Variants in SLC52A2 observed in about 807,000 individuals in gnomAD.
SLC52A2 encodes solute carrier family 52, riboflavin transporter, member 2.
SLC52A2 carries 16 observed loss-of-function variants against 24.8 expected under a neutral mutation model. That is an observed-to-expected ratio of 0.64 (90% CI 0.44 to 0.98). The LOEUF is 0.98. Among genes scored for constraint, SLC52A2 ranks in the 50% least tolerant of loss-of-function variants. SLC52A2 has a pLI of 0.00. For missense variants in SLC52A2, 612 were observed against 575.9 expected (o/e 1.06, Z -0.64); for synonymous variants, 335 against 276.3 (o/e 1.21, Z -2.11).
In SLC52A2 at chr8:144,359,063, TG is replaced by T; in HGVS notation, c.-111+1del. 1 of 548,834 alleles carries T rather than the reference TG, an allele frequency of 1.8e-6. No homozygotes were observed. The highest frequency in any genetic ancestry group is 2.9e-6 in the Non-Finnish European group (1 of 341,326). The allele number at this position is 548,834 out of a possible 1,614,324, so 34.0% of individuals were successfully genotyped here. On this transcript the variant is annotated splice_region_variant and 5_prime_UTR_variant, in exon 1 of 5. Transcript: ENST00000643944. Reference sequence around the variant, plus strand: ...CTTCCCTGCCTGCCGGCGGTCCCGCTGGGTACGTTTTAGCCAATCCTCCCCA... The same window carrying T: ...CTTCCCTGCCTGCCGGCGGTCCCGCTGGTACGTTTTAGCCAATCCTCCCCA...
At position 144,359,520 on chromosome 8, in the gene SLC52A2, G is replaced by A. The variant is rs905215290; in HGVS notation, c.130+97G>A. On this transcript the variant is annotated intron_variant, in intron 2 of 4. Transcript: ENST00000643944. ...CTGTGGTGGTCAGAGAGCTTCCAGA[G>A]GGTGAGTGGGAGGAGGTGCAGGTGT... 36 of 1,611,552 alleles carry A rather than the reference G, an allele frequency of 2.2e-5. No individual in the cohort carries two copies. The Middle Eastern group carries it at 1.6e-3, about 74-fold the overall frequency.
Position 144,360,928 on chromosome 8 carries a change from G to A in SLC52A2, c.1251G>A (p.Leu417=). 6.2e-7 allele frequency: 1 copy of A among 1,613,394 alleles called. No homozygotes were observed. Among genetic ancestry groups the A allele is most frequent in the Non-Finnish European group, 8.5e-7 (1 of 1,179,990 alleles). ...GCGTGGCCATCCAGGTGGGCTCTCT[G>A]CTCGGCGCTGTTGCTATGTTCCCCC... ...AAGVAIQVGS[L]LGAVAMFPPT... is the part of the protein sequence containing the mutation. The change falls in exon 5 of 5, where the codon CTG becomes CTA. Residue 417 remains leucine (L), a synonymous_variant. Transcript: ENST00000643944.
Position 144,361,092 on chromosome 8 carries a change from C to G in SLC52A2, c.*77C>G. 7.8e-6 allele frequency: 11 copies of G among 1,414,242 alleles called. No individual in the cohort carries two copies. Among genetic ancestry groups the G allele is most frequent in the Non-Finnish European group, 1.1e-5 (11 of 1,015,632 alleles). 87.6% of individuals were successfully genotyped at this position (1,414,242 alleles called of 1,614,324 possible). On this transcript the variant is annotated 3_prime_UTR_variant, in exon 5 of 5. Transcript: ENST00000643944. The stretch of plus-strand genomic sequence containing the variant: ...TGCCACCATGCCTGAGTGCCTGCAG[C>G]CCAGGAGGCCCGCACACCGGTACAC...
chr8:144,360,942 C>T lies in SLC52A2; in HGVS notation c.1265C>T (p.Ala422Val). 6.2e-7 allele frequency: 1 copy of T among 1,613,492 alleles called. No individual in the cohort carries two copies. Among genetic ancestry groups the T allele is most frequent in the Non-Finnish European group, 8.5e-7 (1 of 1,179,990 alleles). The part of the protein sequence containing the change: ...IQVGSLLGAV[A>V]MFPPTSIYHV... ...GTGGGCTCTCTGCTCGGCGCTGTTG[C>T]TATGTTCCCCCCGACCAGCATCTAT... The change falls in exon 5 of 5, where the codon GCT becomes GTT. Residue 422 changes from alanine to valine, a missense_variant. Transcript: ENST00000643944.
intron 1 of SLC52A2, 46 bp downstream of exon 1, chr8:144,359,111 C>T (rs1312945646): frequency 2.2e-6 from 2 of 901,930 alleles, no homozygotes; most frequent in Non-Finnish European, 3.2e-6. Flanking sequence ...GCCCGGGGCT[C>T]CCCCAGTTCC....
upstream of SLC52A2, chr8:144,358,575 T>G (rs772404439): frequency 4.3e-3 from 5,077 of 1,171,350 alleles, 15 homozygotes; most frequent in Non-Finnish European, 5.2e-3. Flanking sequence ...CTTCCGGTCG[T>G]GGGCCATGCC....
In SLC52A2 at chr8:144,361,117, C is replaced by G. The variant is rs1554854703; in HGVS notation, c.*102C>G. The G allele has an allele frequency of 2.5e-6, 3 of 1,178,188 alleles. No individual in the cohort carries two copies. The highest frequency in any genetic ancestry group is 3.7e-6 in the Non-Finnish European group (3 of 813,510). 73.0% of individuals were successfully genotyped at this position (1,178,188 alleles called of 1,614,324 possible). A position where few individuals can be genotyped will look rare whatever the true frequency, so the allele number is the denominator to read the frequency against. On this transcript the variant is annotated 3_prime_UTR_variant, in exon 5 of 5. Transcript: ENST00000643944. The stretch of plus-strand genomic sequence containing the variant: ...CCCAGGAGGCCCGCACACCGGTACA[C>G]TCGTGGACACCTACACACTCCATAG...
rs1160906016 is a variant in SLC52A2, at chr8:144,359,143, C to T, written c.-110-41C>T. On this transcript the variant is annotated intron_variant, in intron 1 of 4. Coordinates refer to ENST00000643944, the MANE Select transcript of SLC52A2 (RefSeq NM_001363118.2). ...TTCCCCTGGTCTCACCCTGTTCTGACTCCGGCTCTGCATCCTATCTGTTTC... is the reference window on the plus strand; with the variant it reads ...TTCCCCTGGTCTCACCCTGTTCTGATTCCGGCTCTGCATCCTATCTGTTTC... 5.6e-6 allele frequency: 7 copies of T among 1,256,306 alleles called. No homozygotes were observed. In the South Asian group the frequency reaches 6.1e-5, roughly 11 times the overall value. The allele number at this position is 1,256,306 out of a possible 1,614,324, so 77.8% of individuals were successfully genotyped here. A position where few individuals can be genotyped will look rare whatever the true frequency, so the allele number is the denominator to read the frequency against.
At chr8:144,360,568 A>G in intron 3 of SLC52A2, 22 bp from the exon 4 acceptor site, 1 of 1,589,362 alleles carries the variant, frequency 6.3e-7, no homozygotes, top group Non-Finnish European at 8.5e-7. Flanking sequence ...GTCAGCCCTG[A>G]CATTCTGCTC....
chr8:144,361,019 T>C lies in SLC52A2; in HGVS notation c.*4T>C. 1 of 1,610,222 alleles carries C rather than the reference T, an allele frequency of 6.2e-7. No individual in the cohort carries two copies. The highest frequency in any genetic ancestry group is 1.1e-5 in the South Asian group (1 of 91,040). On this transcript the variant is annotated 3_prime_UTR_variant, in exon 5 of 5. Transcript: ENST00000643944. Reference sequence around the variant, plus strand: ...TGCAGACCCCTGTGACTCCTGAGCCTGGGCAGGTGGGGACCCCGCTCCCCA... The same window carrying C: ...TGCAGACCCCTGTGACTCCTGAGCCCGGGCAGGTGGGGACCCCGCTCCCCA...
rs540120172 is a variant in SLC52A2 at position 144,359,588 on chromosome 8, C to T, written c.131-35C>T. The T allele has an allele frequency of 4.6e-5, 74 of 1,604,566 alleles. 2 individuals are homozygous for T. The South Asian group carries it at 7.8e-4, about 17-fold the overall frequency. On this transcript the variant is annotated intron_variant, in intron 2 of 4. Coordinates refer to ENST00000643944, the MANE Select transcript of SLC52A2 (RefSeq NM_001363118.2). ...TTGGCACTCTTCCTCCCTTGGGCAT[C>T]ATGACCCTGACATGGCCTCCTCCCT...
intron 3 of SLC52A2, 36 bp from the exon 4 acceptor site, chr8:144,360,554 C>T (rs1469501891): frequency 7.0e-6 from 11 of 1,582,088 alleles, no homozygotes; most frequent in African/African-American, 2.7e-5. Context: ...CAGGTCCTGG[C>T]GCAGTCAGCC....
chr8:144,360,641 C>T lies in SLC52A2; in HGVS notation c.1053C>T (p.Gly351=). Residue 351 remains glycine, a synonymous_variant, in exon 4 of 5, where the codon GGC becomes GGT. Coordinates refer to ENST00000643944, the MANE Select transcript of SLC52A2 (RefSeq NM_001363118.2). The part of the protein sequence containing the change: ...GLSLLGVFCG[G]YLMALAVLSP... ...CTCTGCTGGGCGTGTTCTGTGGGGGCTACCTGATGGCGCTGGCAGTCCTGA... is the reference window on the plus strand; with the variant it reads ...CTCTGCTGGGCGTGTTCTGTGGGGGTTACCTGATGGCGCTGGCAGTCCTGA... 1.2e-6 allele frequency: 2 copies of T among 1,604,354 alleles called. No individual in the cohort carries two copies. Among genetic ancestry groups the T allele is most frequent in the East Asian group, 2.2e-5 (1 of 44,868 alleles).
Position 144,359,640 on chromosome 8 carries a change from T to TAA in SLC52A2, c.149_150insAA (p.Tyr50Ter), listed in dbSNP as rs782095095. ...CCCTGCAGGTTGGAGCCTCCCCTCT[T>TAA]ACGTCTCTGTGCTTGTGGCTCTGGG... The part of the protein sequence containing the change: ...ELPEGWSLPS[Y>*]VSVLVALGNL... The change falls in exon 3 of 5, where the codon TAC (tyrosine) becomes TAAAC (stop). Residue 50 changes from tyrosine to a stop codon, truncating the protein, a stop_gained and frameshift_variant. Transcript: ENST00000643944. LOFTEE classifies it high-confidence loss of function. 1 of 1,613,502 alleles carries TAA rather than the reference T, an allele frequency of 6.2e-7. No individual in the cohort carries two copies. The highest frequency in any genetic ancestry group is 8.5e-7 in the Non-Finnish European group (1 of 1,179,646).
At position 144,360,266 on chromosome 8, in the gene SLC52A2, A is replaced by T. The variant is rs782152268; in HGVS notation, c.774A>T (p.Ala258=). The change falls in exon 3 of 5, where the codon GCA becomes GCT. Residue 258 remains alanine, a synonymous_variant. Transcript: ENST00000643944. ...SPLQEPPSQA[A]GTTPGPDPKA... Reference sequence around the variant, plus strand: ...TGCAAGAGCCACCAAGCCAGGCAGCAGGCACCACCCCTGGTCCAGACCCTA... The same window carrying T: ...TGCAAGAGCCACCAAGCCAGGCAGCTGGCACCACCCCTGGTCCAGACCCTA... The T allele has an allele frequency of 1.2e-6, 2 of 1,612,408 alleles. No individual in the cohort carries two copies. Among genetic ancestry groups the T allele is most frequent in the South Asian group, 1.1e-5 (1 of 91,086 alleles).
At position 144,359,967 on chromosome 8, in the gene SLC52A2, T is replaced by C; in HGVS notation, c.475T>C (p.Cys159Arg). ...TCAAGGCCTGAGTGCCCTGCTGCCC[T>C]GCGTGCTGGCCCTAGTGCAGGGTGT... is the stretch of plus-strand genomic sequence containing the variant. ...LGQGLSALLP[C>R]VLALVQGVGR... is the part of the protein sequence containing the mutation. The change falls in exon 3 of 5, where the codon TGC becomes CGC. Residue 159 changes from cysteine to arginine, a missense_variant. By Grantham distance (180) the Cys-to-Arg change is radical (BLOSUM62 -3). Coordinates refer to ENST00000643944, the MANE Select transcript of SLC52A2 (RefSeq NM_001363118.2). 1 of 1,613,196 alleles carries C rather than the reference T, an allele frequency of 6.2e-7. No homozygotes were observed. The highest frequency in any genetic ancestry group is 8.5e-7 in the Non-Finnish European group (1 of 1,180,002).
rs1564655427 is a variant in SLC52A2, at chr8:144,359,987, G to T, written c.495G>T (p.Gln165His). 1 of 1,613,024 alleles carries T rather than the reference G, an allele frequency of 6.2e-7. No homozygotes were observed. Among genetic ancestry groups the T allele is most frequent in the East Asian group, 2.2e-5 (1 of 44,884 alleles). The part of the protein sequence containing the change: ...ALLPCVLALV[Q>H]GVGRLECPPA... ...TGCCCTGCGTGCTGGCCCTAGTGCA[G>T]GGTGTGGGCCGCCTCGAGTGCCCGC... Residue 165 changes from glutamine (Q) to histidine (H), a missense_variant, in exon 3 of 5, where the codon CAG becomes CAT. Physicochemically the swap from Gln to His is conservative, Grantham distance 24. Transcript: ENST00000643944.
chr8:144,359,772 C>T lies in SLC52A2; in HGVS notation c.280C>T (p.Leu94=). ...VQVLGMVGTA[L]LASLWHHVAP... is the part of the protein sequence containing the mutation. ...GGTGCTGGGCATGGTGGGCACAGCC[C>T]TGCTGGCCTCTCTGTGGCACCATGT... Residue 94 remains leucine, a synonymous_variant, in exon 3 of 5, where the codon CTG becomes TTG. Coordinates refer to ENST00000643944, the MANE Select transcript of SLC52A2 (RefSeq NM_001363118.2). 5.0e-6 allele frequency: 8 copies of T among 1,613,640 alleles called. No homozygotes were observed. Among genetic ancestry groups the T allele is most frequent in the Non-Finnish European group, 6.8e-6 (8 of 1,180,008 alleles).
chr8:144,359,078 C>A lies in SLC52A2; in HGVS notation c.-111+13C>A. ...GCGGTCCCGCTGGGTACGTTTTAGC[C>A]AATCCTCCCCATCTGCGCTCCTGCC... On this transcript the variant is annotated intron_variant, in intron 1 of 4. Transcript: ENST00000643944. 1 of 658,784 alleles carries A rather than the reference C, an allele frequency of 1.5e-6. No homozygotes were observed. The highest frequency in any genetic ancestry group is 2.7e-5 in the South Asian group (1 of 37,232). The allele number at this position is 658,784 out of a possible 1,614,324, so 40.8% of individuals were successfully genotyped here. A position where few individuals can be genotyped will look rare whatever the true frequency, so the allele number is the denominator to read the frequency against.
Sources: gnomAD v4.1 joint callset for allele counts on GRCh38, gnomAD v4.1.1 for gene constraint, MANE v1.5 for transcripts, NCBI Gene and HGNC (gene_info 2026-07-23, HGNC 2026-07-21) for gene names.